MDGA2: variants seen among roughly 807,000 people sequenced by gnomAD.
The protein encoded by MDGA2 is MAM domain containing glycosylphosphatidylinositol anchor 2.
Under a neutral mutation model 117.8 loss-of-function variants are expected in MDGA2, and 40 were observed. The observed-to-expected ratio is 0.34, with a 90% CI of 0.26 to 0.44. The LOEUF is 0.44. MDGA2 is among the 20% of genes least tolerant of loss of function. MDGA2 has a pLI of 1.00. For synonymous variants in MDGA2, 452 were observed against 439.0 expected, an observed-to-expected ratio of 1.03 and a Z score of -0.37; for missense variants, 1,123 against 1,250.6, an observed-to-expected ratio of 0.90 and a Z score of 1.54.
At chr14:47,243,570 C>G (rs1028237995) in intron 2 of MDGA2, among the ~76,000 whole-genome samples, 1 of 151,196 alleles carries the variant, frequency 6.6e-6, no homozygotes, top group East Asian at 1.9e-4. Context: ...CCAGGAGGAA[C>G]GAGCAACTCC....
intron 1 of MDGA2, among the ~76,000 whole-genome samples, chr14:47,531,108 G>A (rs1256326647): frequency 1.3e-5 from 2 of 152,116 alleles, no homozygotes; most frequent in African/African-American, 4.8e-5. Flanking sequence ...AGCCAGGCGT[G>A]GTGGTGGGCG....
At chr14:47,114,597 A>C (rs1401932883) in intron 5 of MDGA2, among the ~76,000 whole-genome samples, 2 of 152,144 alleles carry the variant, frequency 1.3e-5, no homozygotes, top group Non-Finnish European at 2.9e-5. Flanking sequence ...AACAGAATAG[A>C]GATCTCAGAA....
At chr14:47,435,979 T>C (rs1421984687) in intron 1 of MDGA2, among the ~76,000 whole-genome samples, 1 of 152,112 alleles carries the variant, frequency 6.6e-6, no homozygotes, top group Non-Finnish European at 1.5e-5. Flanking sequence ...TCTTTTCCTT[T>C]TTTTGTCTCT....
chr14:47,658,164 CAA>C (rs3040374), intron 1 of MDGA2, among the ~76,000 whole-genome samples: 14,147 of 152,144 alleles, frequency 0.093, 668 homozygotes, highest in Non-Finnish European at 0.11. Flanking sequence ...AGGCAAAGAA[CAA>C]AGTCACTTTT....
At chr14:47,516,078 T>C (rs1894744925) in intron 1 of MDGA2, among the ~76,000 whole-genome samples, 1 of 152,124 alleles carries the variant, frequency 6.6e-6, no homozygotes, top group Non-Finnish European at 1.5e-5. Context: ...TTAGTACATT[T>C]TCTTAGGCAC....
chr14:46,966,155 TCA>T (rs1345837079), intron 8 of MDGA2, among the ~76,000 whole-genome samples: 3 of 152,172 alleles, frequency 2.0e-5, no homozygotes, highest in Non-Finnish European at 4.4e-5. Context: ...GTTAAGATAT[TCA>T]CACAGATTAT....
rs1206864320 is a variant in MDGA2, at chr14:46,884,453, T to C, written c.2239-2232A>G. Among the ~76,000 whole-genome samples the C allele has an allele frequency of 6.6e-6, 1 of 152,154 alleles. No individual in the cohort carries two copies. The highest frequency in any genetic ancestry group is 1.5e-5 in the Non-Finnish European group (1 of 68,014). On this transcript the variant is annotated intron_variant, in intron 10 of 16. Transcript: ENST00000399232. This position sits in a 1 kb window ranked among gnomAD's most constrained non-coding sequence, Gnocchi z 4.1. ...ACACATATCACATAATATGCACATA[T>C]GTTCACATATATGCACATACTATAT...
At chr14:46,998,848 T>C (rs1887398293) in intron 8 of MDGA2, among the ~76,000 whole-genome samples, 2 of 152,078 alleles carry the variant, frequency 1.3e-5, no homozygotes, top group African/African-American at 2.4e-5. Context: ...GGACAAGGAA[T>C]TTGATGCCTT....
intron 1 of MDGA2, among the ~76,000 whole-genome samples, chr14:47,622,005 A>C (rs1897058516): frequency 6.6e-6 from 1 of 152,242 alleles, no homozygotes; most frequent in Non-Finnish European, 1.5e-5. Context: ...GGTGATAAGC[A>C]CTGTGCTTGT....
At chr14:47,621,493 C>T (rs549981942) in intron 1 of MDGA2, among the ~76,000 whole-genome samples, 2 of 152,232 alleles carry the variant, frequency 1.3e-5, no homozygotes, top group African/African-American at 4.8e-5. Flanking sequence ...ATTGGCTTCC[C>T]ACTCCTTAAT....
intron 1 of MDGA2, among the ~76,000 whole-genome samples, chr14:47,373,188 T>C (rs1351037780): frequency 6.6e-6 from 1 of 151,996 alleles, no homozygotes; most frequent in Non-Finnish European, 1.5e-5. Context: ...GTGGGAGAGA[T>C]TTTTAATTGT....
intron 1 of MDGA2, among the ~76,000 whole-genome samples, chr14:47,604,503 AC>A (rs1031568528): frequency 2.2e-4 from 9 of 41,342 alleles, no homozygotes; most frequent in African/African-American, 7.6e-4. Flanking sequence ...CCCCACCCTC[AC>A]CCCCCTATAA....
intron 1 of MDGA2, among the ~76,000 whole-genome samples, chr14:47,431,931 A>G (rs768555077): frequency 5.9e-5 from 9 of 152,104 alleles, no homozygotes; most frequent in Non-Finnish European, 1.0e-4. Context: ...TTTATTTCAA[A>G]GACCCTTATG....
chr14:47,581,950 T>C (rs1038598627), intron 1 of MDGA2, among the ~76,000 whole-genome samples: 1 of 151,936 alleles, frequency 6.6e-6, no homozygotes, highest in Admixed American at 6.6e-5. Flanking sequence ...CAGTTAAGCA[T>C]GCAAGTTCTG....
intron 1 of MDGA2, among the ~76,000 whole-genome samples, chr14:47,621,399 A>G (rs1185491817): frequency 6.6e-6 from 1 of 152,010 alleles, no homozygotes; most frequent in Non-Finnish European, 1.5e-5. Flanking sequence ...TCTATTGCCC[A>G]GGCTGGACTG....
chr14:47,061,183 T>C, intron 7 of MDGA2, 66 bp downstream of exon 7: 3 of 1,408,786 alleles, frequency 2.1e-6, no homozygotes, highest in Non-Finnish European at 2.9e-6. Flanking sequence ...AAAACCTACT[T>C]GATCTGTTAA....
At chr14:47,040,575 T>G (rs755431930) in intron 7 of MDGA2, among the ~76,000 whole-genome samples, 4 of 152,170 alleles carry the variant, frequency 2.6e-5, no homozygotes, top group African/African-American at 9.7e-5. Flanking sequence ...ACTCCTTTAC[T>G]GAAGTTTCAC....
intron 1 of MDGA2, among the ~76,000 whole-genome samples, chr14:47,462,389 A>AG (rs1566469325): frequency 1.3e-5 from 2 of 151,530 alleles, no homozygotes; most frequent in Admixed American, 1.3e-4. Context: ...AAAAAAAAAA[A>AG]AAAGAAAGAA....
intron 2 of MDGA2, among the ~76,000 whole-genome samples, chr14:47,222,112 T>C (rs887835063): frequency 1.3e-5 from 2 of 152,018 alleles, no homozygotes; most frequent in African/African-American, 4.8e-5. Context: ...ATTTATCCAC[T>C]AAAAGAGCCT....
Sources: gnomAD v4.1 joint callset for allele counts (sites outside exome capture counted in the v4.1 genomes callset) on GRCh38, gnomAD v4.1.1 for gene constraint, Gnocchi (gnomAD v3.1) non-coding constraint, MANE v1.5 for transcripts, NCBI Gene and HGNC (gene_info 2026-07-23, HGNC 2026-07-21) for gene names.